Variants in FAM117B observed in about 807,000 individuals in gnomAD.
FAM117B encodes the protein family with sequence similarity 117 member B, also known as protein FAM117B.
Under a neutral mutation model 52.8 loss-of-function variants are expected in FAM117B, and 22 were observed. That is an observed-to-expected ratio of 0.42 (90% CI 0.30 to 0.59). The LOEUF (loss-of-function observed/expected upper bound fraction) is 0.59, where lower values mean the gene tolerates loss of function less well. Ranked by LOEUF, FAM117B falls within the 20% of genes least tolerant of loss-of-function variation. FAM117B has a pLI of 0.22. For missense variants in FAM117B, 678 were observed against 802.6 expected, an observed-to-expected ratio of 0.84 and a Z score of 1.88; for synonymous variants, 309 against 324.1, an observed-to-expected ratio of 0.95 and a Z score of 0.50.
In FAM117B at chr2:202,724,454, C is replaced by T. The variant is rs992703167; in HGVS notation, c.754-463C>T. ...TCTCAGGTTTATTTCTTGGCTTTGCCGCTTGTAACACCTTAGGCAACTTAC... is the reference window on the plus strand; with the variant it reads ...TCTCAGGTTTATTTCTTGGCTTTGCTGCTTGTAACACCTTAGGCAACTTAC... On this transcript the variant is annotated intron_variant, in intron 2 of 7. Transcript: ENST00000392238. 2.0e-5 allele frequency among the ~76,000 whole-genome samples: 3 copies of T among 152,100 alleles called. 1 individual carries two copies. In the South Asian group the frequency reaches 6.2e-4, roughly 32 times the overall value.
Position 202,732,414 on chromosome 2 carries a change from A to G in FAM117B, c.960+6051A>G, listed in dbSNP as rs569241549. Among the ~76,000 whole-genome samples the G allele has an allele frequency of 3.9e-5, 6 of 152,274 alleles. No homozygotes were observed. The South Asian group carries it at 8.3e-4, about 21-fold the overall frequency. On this transcript the variant is annotated intron_variant, in intron 4 of 7. Transcript: ENST00000392238. ...AAAATGTAGAAAAAACCCAATGTCT[A>G]TCAGCTGATAAAAGGGTAAATAAAA... is the stretch of plus-strand genomic sequence containing the variant.
intron 4 of FAM117B, among the ~76,000 whole-genome samples, chr2:202,737,461 C>G (rs565886407): frequency 6.6e-6 from 1 of 152,284 alleles, no homozygotes; most frequent in Admixed American, 6.5e-5. Flanking sequence ...AAGCACTGCT[C>G]TGTTCTCCAT....
intron 4 of FAM117B, among the ~76,000 whole-genome samples, chr2:202,737,759 G>A (rs1055848763): frequency 6.6e-6 from 1 of 151,974 alleles, no homozygotes; most frequent in East Asian, 1.9e-4. Flanking sequence ...ACACCACCAC[G>A]CCCAGCTAAT....
intron 4 of FAM117B, among the ~76,000 whole-genome samples, chr2:202,752,449 G>A (rs1026535939): frequency 6.7e-6 from 1 of 150,116 alleles, no homozygotes; most frequent in South Asian, 2.1e-4. Context: ...CTGAAGGGGA[G>A]CAGGAATAAA....
At chr2:202,677,145 A>C (rs375130641) in intron 1 of FAM117B, among the ~76,000 whole-genome samples, 9 of 149,986 alleles carry the variant, frequency 6.0e-5, no homozygotes, top group African/African-American at 1.7e-4. Context: ...TCGGCTCACT[A>C]CAACCTCCGC....
At chr2:202,764,777 G>T (rs1184059254) in intron 7 of FAM117B, among the ~76,000 whole-genome samples, 1 of 152,140 alleles carries the variant, frequency 6.6e-6, no homozygotes, top group Non-Finnish European at 1.5e-5. Flanking sequence ...AAAAGGGAAG[G>T]ATTTGGCTTT....
At chr2:202,649,417 A>G (rs959365346) in intron 1 of FAM117B, among the ~76,000 whole-genome samples, 2 of 152,216 alleles carry the variant, frequency 1.3e-5, no homozygotes, top group African/African-American at 4.8e-5. Flanking sequence ...CTAATATTTC[A>G]TATGGTAGAA....
chr2:202,679,225 C>T (rs1195093494), intron 1 of FAM117B, among the ~76,000 whole-genome samples: 1 of 152,102 alleles, frequency 6.6e-6, no homozygotes, highest in Non-Finnish European at 1.5e-5. Context: ...AGAAGGGAAA[C>T]ATAGTAAGGT....
intron 4 of FAM117B, among the ~76,000 whole-genome samples, chr2:202,744,967 ACT>A: frequency 8.5e-6 from 1 of 117,560 alleles, no homozygotes; most frequent in East Asian, 2.3e-4. Flanking sequence ...ATAGAGTGAG[ACT>A]CTGTCTCAAA....
chr2:202,642,899 A>G (rs748230894), intron 1 of FAM117B, among the ~76,000 whole-genome samples: 3 of 152,214 alleles, frequency 2.0e-5, no homozygotes, highest in Non-Finnish European at 4.4e-5. Context: ...AACCTGTGAA[A>G]TGTGGTAGGA....
intron 1 of FAM117B, among the ~76,000 whole-genome samples, chr2:202,651,029 A>AT (rs1228512693): frequency 2.8e-5 from 4 of 141,554 alleles, no homozygotes; most frequent in Non-Finnish European, 6.3e-5. Context: ...GCTCATGATT[A>AT]TTTTTGGATG....
Position 202,726,247 on chromosome 2 carries a change from C to A in FAM117B, c.847-3C>A. On this transcript the variant is annotated splice_region_variant and splice_polypyrimidine_tract_variant and intron_variant, in intron 3 of 7. Coordinates refer to ENST00000392238, the MANE Select transcript of FAM117B (RefSeq NM_173511.4). Reference sequence around the variant, plus strand: ...GGTGTACTTGCTATTTTTGCTTTCTCAGATTGCAAAATTACGCCAGCAGTT... The same window carrying A: ...GGTGTACTTGCTATTTTTGCTTTCTAAGATTGCAAAATTACGCCAGCAGTT... The A allele has an allele frequency of 6.2e-7, 1 of 1,607,814 alleles. No individual in the cohort carries two copies. The highest frequency in any genetic ancestry group is 8.5e-7 in the Non-Finnish European group (1 of 1,176,864).
intron 2 of FAM117B, among the ~76,000 whole-genome samples, chr2:202,722,586 C>T (rs1191570555): frequency 6.6e-6 from 1 of 152,128 alleles, no homozygotes; most frequent in Non-Finnish European, 1.5e-5. Flanking sequence ...AAACCAAATA[C>T]TGCATGTTCT....
intron 2 of FAM117B, among the ~76,000 whole-genome samples, chr2:202,720,054 T>C (rs1393276909): frequency 6.6e-6 from 1 of 152,156 alleles, no homozygotes; most frequent in African/African-American, 2.4e-5. Context: ...TAATAGTAAT[T>C]TGTGGAGAAA....
At chr2:202,699,450 A>AAAAAAAAAAAAAAAAAAAGAAAG (rs1690765501) in intron 2 of FAM117B, among the ~76,000 whole-genome samples, 1 of 77,674 alleles carries the variant, frequency 1.3e-5, no homozygotes, top group African/African-American at 7.3e-5. Flanking sequence ...AAAAAAAAAG[A>AAAAAAAAAAAAAAAAAAAGAAAG]AAAAAAAAAA....
At chr2:202,690,743 G>A (rs1334294718) in intron 1 of FAM117B, among the ~76,000 whole-genome samples, 2 of 152,134 alleles carry the variant, frequency 1.3e-5, no homozygotes. Flanking sequence ...GGCTTCAGAG[G>A]CCAGATCATG....
chr2:202,670,682 G>A (rs1261520733), intron 1 of FAM117B, among the ~76,000 whole-genome samples: 3 of 152,186 alleles, frequency 2.0e-5, no homozygotes, highest in Non-Finnish European at 2.9e-5. Context: ...CACAAGGCAA[G>A]AGGGCTTCTT....
chr2:202,741,996 C>T (rs1691549856), intron 4 of FAM117B, among the ~76,000 whole-genome samples: 1 of 152,152 alleles, frequency 6.6e-6, no homozygotes. Context: ...TTAATAAGTA[C>T]TACACAATCT....
At chr2:202,709,083 C>T (rs1047892124) in intron 2 of FAM117B, among the ~76,000 whole-genome samples, 3 of 152,268 alleles carry the variant, frequency 2.0e-5, no homozygotes, top group Admixed American at 1.3e-4. Context: ...TCTGATTTAT[C>T]TTTCCCCAAT....
Sources: allele counts gnomAD v4.1 joint callset (sites outside exome capture counted in the v4.1 genomes callset), GRCh38; gene constraint gnomAD v4.1.1; transcripts MANE v1.5; gene names NCBI Gene and HGNC (gene_info 2026-07-23, HGNC 2026-07-21).